The following TMEM108 variants were observed in gnomAD, a reference collection of about 807,000 sequenced individuals.
TMEM108 encodes cancer/testis antigen 124.
Under a neutral mutation model 35.1 loss-of-function variants are expected in TMEM108, and 12 were observed. That is an observed-to-expected ratio of 0.34 (90% confidence interval 0.22 to 0.55). The LOEUF is 0.55. Ranked by LOEUF, TMEM108 falls within the 20% of genes least tolerant of loss-of-function variation. The pLI is 0.89. For missense variants in TMEM108, 680 were observed against 753.3 expected (o/e 0.90, Z 1.14); for synonymous variants, 287 against 308.6 (o/e 0.93, Z 0.73).
intron 3 of TMEM108, among the ~76,000 whole-genome samples, chr3:133,371,007 A>G (rs1249473143): frequency 6.6e-6 from 1 of 151,432 alleles, no homozygotes; most frequent in African/African-American, 2.4e-5. Context: ...AGAAATCATG[A>G]TGCTGTAGAA....
intron 2 of TMEM108, among the ~76,000 whole-genome samples, chr3:133,142,993 GGCTCCA>G (rs2107757866): frequency 6.6e-6 from 1 of 152,240 alleles, no homozygotes; most frequent in African/African-American, 2.4e-5. Context: ...CAGATGGTCT[GGCTCCA>G]GTGTACTTTT....
At chr3:133,101,871 T>A (rs1944092184) in intron 2 of TMEM108, among the ~76,000 whole-genome samples, 2 of 152,230 alleles carry the variant, frequency 1.3e-5, no homozygotes, top group Non-Finnish European at 2.9e-5. Context: ...AGTTTGGGAT[T>A]CTTTTAAACA....
chr3:133,340,558 A>T (rs2071631576), intron 3 of TMEM108, among the ~76,000 whole-genome samples: 1 of 151,844 alleles, frequency 6.6e-6, no homozygotes, highest in Admixed American at 6.6e-5. Flanking sequence ...TTCCGAACTC[A>T]TTCTATAAGA....
intron 1 of TMEM108, among the ~76,000 whole-genome samples, chr3:133,038,833 C>CGAA (rs1312204311): frequency 6.6e-6 from 1 of 152,138 alleles, no homozygotes; most frequent in Non-Finnish European, 1.5e-5. Flanking sequence ...CATGGGGAAA[C>CGAA]GAAGAAGAAG....
intron 3 of TMEM108, among the ~76,000 whole-genome samples, chr3:133,345,474 G>T (rs548391273): frequency 4.6e-5 from 7 of 151,578 alleles, no homozygotes; most frequent in African/African-American, 1.7e-4. Flanking sequence ...TTAAAACCAG[G>T]ATTAAAACAA....
At chr3:133,171,480 G>A (rs186273754) in intron 2 of TMEM108, among the ~76,000 whole-genome samples, 51 of 152,276 alleles carry the variant, frequency 3.3e-4, no homozygotes, top group African/African-American at 1.2e-3. Context: ...GGACTCAAGT[G>A]ATTCTCCTGC....
chr3:133,066,559 A>G (rs1450948186), intron 2 of TMEM108, among the ~76,000 whole-genome samples: 2 of 152,154 alleles, frequency 1.3e-5, no homozygotes, highest in Non-Finnish European at 2.9e-5. Context: ...CCTAGAAACC[A>G]TTTAAAAAGG....
intron 3 of TMEM108, among the ~76,000 whole-genome samples, chr3:133,329,463 G>A (rs182924848): frequency 3.3e-5 from 5 of 152,200 alleles, no homozygotes; most frequent in Admixed American, 1.3e-4. Context: ...GTCTTGTCCC[G>A]GCAGTCAGGA....
intron 2 of TMEM108, among the ~76,000 whole-genome samples, chr3:133,142,725 G>A (rs3849416): frequency 0.49 from 74,641 of 152,026 alleles, 18,647 homozygotes; most frequent in Admixed American, 0.53. Flanking sequence ...CTCACAATCT[G>A]TGCCCCCTCA....
At position 133,150,342 on chromosome 3, in the gene TMEM108, G is replaced by T. The variant is rs1479142655; in HGVS notation, c.-46-78924G>T. ...CCATTTAAAAAAATCAGGTTATTTG[G>T]TTTTTTTTTTTTTTTTGCAATTGAG... On this transcript the variant is annotated intron_variant, in intron 2 of 5. Transcript: ENST00000321871. Among the ~76,000 whole-genome samples, 255 of 109,560 alleles carry T rather than the reference G, an allele frequency of 2.3e-3. 1 individual carries two copies. Among genetic ancestry groups the T allele is most frequent in the South Asian group, 3.4e-3 (11 of 3,250 alleles). The allele number at this position is 109,560 out of a possible 152,430, so 71.9% of individuals were successfully genotyped here.
chr3:133,067,947 G>A (rs1471998874), intron 2 of TMEM108, among the ~76,000 whole-genome samples: 1 of 152,022 alleles, frequency 6.6e-6, no homozygotes, highest in Non-Finnish European at 1.5e-5. Context: ...CATGGTTCCA[G>A]CATCTGGTGT....
chr3:133,370,598 A>G (rs1349148094), intron 3 of TMEM108, among the ~76,000 whole-genome samples: 1 of 152,168 alleles, frequency 6.6e-6, no homozygotes, highest in Non-Finnish European at 1.5e-5. Flanking sequence ...GTTCTTTCCC[A>G]TGATGTCAGA....
intron 3 of TMEM108, among the ~76,000 whole-genome samples, chr3:133,377,627 G>A (rs2072880168): frequency 1.3e-5 from 2 of 152,212 alleles, no homozygotes; most frequent in South Asian, 4.1e-4. Context: ...GCCTGGGCCA[G>A]GGCAAGTGTT....
chr3:133,108,757 T>C (rs1440135376), intron 2 of TMEM108, among the ~76,000 whole-genome samples: 6 of 149,588 alleles, frequency 4.0e-5, no homozygotes, highest in Non-Finnish European at 7.4e-5. Context: ...AAACACCGCA[T>C]GTTCTCACTC....
chr3:133,245,886 T>G (rs1946378832), intron 3 of TMEM108, among the ~76,000 whole-genome samples: 1 of 151,350 alleles, frequency 6.6e-6, no homozygotes, highest in Admixed American at 6.6e-5. Flanking sequence ...TATTTGTATT[T>G]AAACCAATGT....
chr3:133,175,049 T>C (rs1422740023), intron 2 of TMEM108, among the ~76,000 whole-genome samples: 4 of 152,144 alleles, frequency 2.6e-5, no homozygotes, highest in African/African-American at 7.2e-5. Context: ...CAGTAACCGA[T>C]GCGATCAACT....
chr3:133,198,484 ACTGAC>A (rs1945612355), intron 2 of TMEM108, among the ~76,000 whole-genome samples: 1 of 152,166 alleles, frequency 6.6e-6, no homozygotes, highest in Non-Finnish European at 1.5e-5. Context: ...GAATAATTCT[ACTGAC>A]TGACAAGTAA....
intron 2 of TMEM108, among the ~76,000 whole-genome samples, chr3:133,129,152 C>A (rs1180682724): frequency 6.6e-6 from 1 of 152,106 alleles, no homozygotes; most frequent in Non-Finnish European, 1.5e-5. Flanking sequence ...CAAGAACAGC[C>A]TGGCCAACAT....
intron 2 of TMEM108, among the ~76,000 whole-genome samples, chr3:133,174,608 C>A (rs892005690): frequency 6.6e-6 from 1 of 152,210 alleles, no homozygotes; most frequent in Non-Finnish European, 1.5e-5. Context: ...AGACCTGCAG[C>A]TGAGGGTCCT....
Sources: gnomAD v4.1 joint callset for allele counts (sites outside exome capture counted in the v4.1 genomes callset) on GRCh38, gnomAD v4.1.1 for gene constraint, MANE v1.5 for transcripts, NCBI Gene and HGNC (gene_info 2026-07-23, HGNC 2026-07-21) for gene names.